The following NTRK2 variants were observed in gnomAD, a reference collection of about 807,000 sequenced individuals.
NTRK2 encodes neurotrophic receptor tyrosine kinase 2.
NTRK2 carries 13 observed loss-of-function variants against 94.5 expected under a neutral mutation model. That is an observed-to-expected ratio of 0.14 (90% CI 0.09 to 0.22). The LOEUF (loss-of-function observed/expected upper bound fraction) is 0.22. NTRK2 is among the 10% of genes least tolerant of loss of function. NTRK2 has a pLI of 1.00. For missense variants in NTRK2, 639 were observed against 1,071.2 expected (o/e 0.60, Z 5.63); for synonymous variants, 372 against 407.4 (o/e 0.91, Z 1.05).
At chr9:84,702,648 C>T (rs1447372393) in intron 4 of NTRK2, among the ~76,000 whole-genome samples, 1 of 152,168 alleles carries the variant, frequency 6.6e-6, no homozygotes, top group Non-Finnish European at 1.5e-5. Context: ...GGGCCAGTTC[C>T]ATCTTGGACA....
At chr9:84,781,044 T>G (rs1430459077) in intron 12 of NTRK2, among the ~76,000 whole-genome samples, 1 of 152,160 alleles carries the variant, frequency 6.6e-6, no homozygotes, top group African/African-American at 2.4e-5. Flanking sequence ...CTGTCAGGGT[T>G]CAGGGTGCAA....
chr9:84,721,869 C>T (rs977372554), intron 6 of NTRK2, among the ~76,000 whole-genome samples: 9 of 152,064 alleles, frequency 5.9e-5, no homozygotes, highest in Admixed American at 2.0e-4. Context: ...TTTTGAAAAA[C>T]AAAATTAAGT....
At chr9:84,813,965 A>T in intron 12 of NTRK2, 1 of 1,065,486 alleles carries the variant, frequency 9.4e-7, no homozygotes, top group South Asian at 4.5e-5. Context: ...ATCACATGAG[A>T]CACTGACTCT....
intron 14 of NTRK2, among the ~76,000 whole-genome samples, chr9:84,925,681 C>T (rs761506257): frequency 6.6e-5 from 10 of 152,010 alleles, no homozygotes; most frequent in Admixed American, 2.0e-4. Context: ...GGCAAAAGGC[C>T]GGAGAGGAAA....
chr9:84,780,146 GAAA>G (rs908818320), intron 12 of NTRK2, among the ~76,000 whole-genome samples: 1 of 151,536 alleles, frequency 6.6e-6, no homozygotes, highest in Non-Finnish European at 1.5e-5. Flanking sequence ...TACAAGGGAA[GAAA>G]AAAAACCTGA....
At chr9:84,706,521 GTTTTTGT>G (rs1176159649) in intron 4 of NTRK2, among the ~76,000 whole-genome samples, 3 of 95,384 alleles carry the variant, frequency 3.1e-5, no homozygotes, top group African/African-American at 4.2e-5. Context: ...GTTATTTTTT[GTTTTTGT>G]TTTTTTTTTT....
chr9:84,826,350 T>A (rs775832227), intron 12 of NTRK2, among the ~76,000 whole-genome samples: 1 of 152,228 alleles, frequency 6.6e-6, no homozygotes, highest in Non-Finnish European at 1.5e-5. Flanking sequence ...AGTCTCTGTG[T>A]CCTCTCTTCC....
intron 15 of NTRK2, among the ~76,000 whole-genome samples, chr9:84,939,421 A>G (rs893099886): frequency 5.9e-5 from 9 of 152,220 alleles, no homozygotes; most frequent in Non-Finnish European, 8.8e-5. Flanking sequence ...ATTGGGTACC[A>G]TATTTTCATT....
intron 17 of NTRK2, among the ~76,000 whole-genome samples, chr9:84,959,622 C>T (rs904338621): frequency 4.6e-5 from 7 of 152,246 alleles, no homozygotes; most frequent in African/African-American, 1.7e-4. Context: ...AATCGGAACA[C>T]TACATTTGCA....
chr9:84,701,157 C>T (rs2060696369), intron 2 of NTRK2, among the ~76,000 whole-genome samples: 1 of 152,188 alleles, frequency 6.6e-6, no homozygotes, highest in African/African-American at 2.4e-5. Context: ...TTACTGATTG[C>T]AAATGATAGA....
intron 14 of NTRK2, among the ~76,000 whole-genome samples, chr9:84,929,238 C>T (rs376228272): frequency 6.6e-6 from 1 of 152,088 alleles, no homozygotes; most frequent in Non-Finnish European, 1.5e-5. Context: ...AGACACATTG[C>T]GACACAATGC....
intron 12 of NTRK2, among the ~76,000 whole-genome samples, chr9:84,805,508 C>A (rs1857415): frequency 2.0e-5 from 3 of 152,098 alleles, no homozygotes; most frequent in African/African-American, 7.2e-5. Flanking sequence ...AATGTGATTT[C>A]GTACTGGAAG....
chr9:84,861,577 T>C (rs563064145), intron 13 of NTRK2, among the ~76,000 whole-genome samples: 1 of 152,308 alleles, frequency 6.6e-6, no homozygotes, highest in African/African-American at 2.4e-5. Context: ...TTCTGCTTGA[T>C]TGCATTCTAT....
At chr9:84,743,217 T>C (rs1333519584) in intron 10 of NTRK2, among the ~76,000 whole-genome samples, 1 of 152,186 alleles carries the variant, frequency 6.6e-6, no homozygotes, top group Non-Finnish European at 1.5e-5. Context: ...AGCAAGCCAC[T>C]GTTTGGGGAA....
intron 12 of NTRK2, among the ~76,000 whole-genome samples, chr9:84,853,914 T>C (rs10113871): frequency 0.11 from 17,460 of 152,014 alleles, 1,266 homozygotes; most frequent in East Asian, 0.22. Flanking sequence ...ACCTCGTCTC[T>C]ACTAAAAATA....
intron 6 of NTRK2, among the ~76,000 whole-genome samples, chr9:84,713,316 A>G (rs2061525432): frequency 6.6e-6 from 1 of 152,150 alleles, no homozygotes; most frequent in South Asian, 2.1e-4. Flanking sequence ...TCTTTTTAAA[A>G]AAGTCTATAA....
At chr9:84,891,495 G>A (rs929327996) in intron 14 of NTRK2, among the ~76,000 whole-genome samples, 1 of 152,012 alleles carries the variant, frequency 6.6e-6, no homozygotes, top group African/African-American at 2.4e-5. Context: ...CAAGTAAAAC[G>A]AACTCTTGTA....
intron 17 of NTRK2, among the ~76,000 whole-genome samples, chr9:84,977,173 A>G (rs1327701614): frequency 6.6e-6 from 1 of 152,232 alleles, no homozygotes; most frequent in Non-Finnish European, 1.5e-5. Flanking sequence ...TTTCTGTTTA[A>G]ATACATCTTA....
At chr9:84,918,109 G>A (rs1379376973) in intron 14 of NTRK2, among the ~76,000 whole-genome samples, 3 of 152,326 alleles carry the variant, frequency 2.0e-5, no homozygotes, top group South Asian at 2.1e-4. Flanking sequence ...AATCACGTCT[G>A]TGAACCCACT....
Sources: gnomAD v4.1 joint callset for allele counts (sites outside exome capture counted in the v4.1 genomes callset) on GRCh38, gnomAD v4.1.1 for gene constraint, MANE v1.5 for transcripts, NCBI Gene and HGNC (gene_info 2026-07-23, HGNC 2026-07-21) for gene names.